The following STXBP6 variants were observed in gnomAD, a reference collection of about 807,000 sequenced individuals.
STXBP6 encodes the protein syntaxin-binding protein 6.
Under a neutral mutation model 26.9 loss-of-function variants are expected in STXBP6, and 21 were observed. That is an observed-to-expected ratio of 0.78 (90% CI 0.55 to 1.12). STXBP6 has a LOEUF of 1.12. Among genes scored for constraint, STXBP6 ranks in the 50% most tolerant of loss-of-function variants. The pLI is 0.00. For synonymous variants in STXBP6, 97 were observed against 92.6 expected, an observed-to-expected ratio of 1.05 and a Z score of -0.27; for missense variants, 232 against 257.9, an observed-to-expected ratio of 0.90 and a Z score of 0.69.
In STXBP6 at chr14:25,049,781, G is replaced by A. The variant is rs894945701; in HGVS notation, c.-33+97C>T. The A allele has an allele frequency of 3.0e-6, 3 of 985,590 alleles. No individual in the cohort carries two copies. Among genetic ancestry groups the A allele is most frequent in the Middle Eastern group, 5.2e-4 (1 of 1,918 alleles). 61.1% of individuals were successfully genotyped at this position (985,590 alleles called of 1,614,324 possible). A position where few individuals can be genotyped will look rare whatever the true frequency, so the allele number is the denominator to read the frequency against. ...GGCCTCACAGCCACCCGCCTCGGAC[G>A]GAGCGCCAGGCGCCCCAACAGCCGT... is the stretch of plus-strand genomic sequence containing the variant. On this transcript the variant is annotated intron_variant, in intron 1 of 5. Coordinates refer to ENST00000323944, the MANE Select transcript of STXBP6 (RefSeq NM_001394410.1). This position sits in a 1 kb window ranked among gnomAD's most constrained non-coding sequence, Gnocchi z 5.6.
At chr14:25,032,871 TGTAA>T (rs2075484422) in intron 1 of STXBP6, among the ~76,000 whole-genome samples, 1 of 152,186 alleles carries the variant, frequency 6.6e-6, no homozygotes, top group Non-Finnish European at 1.5e-5. Context: ...CAAAATAACT[TGTAA>T]GTGCTTCCTG....
chr14:24,927,820 G>A (rs550779034), intron 2 of STXBP6, among the ~76,000 whole-genome samples: 1 of 152,286 alleles, frequency 6.6e-6, no homozygotes, highest in South Asian at 2.1e-4. Flanking sequence ...AACCTTTAAA[G>A]TGAAAATTTC....
intron 4 of STXBP6, among the ~76,000 whole-genome samples, chr14:24,836,557 C>CCACT (rs1487290347): frequency 8.1e-5 from 11 of 136,446 alleles, no homozygotes; most frequent in Non-Finnish European, 1.5e-4. Context: ...TGACATCACA[C>CCACT]CACTGCACTC....
Position 24,940,686 on chromosome 14 carries a change from T to C in STXBP6, c.154+33979A>G, listed in dbSNP as rs2072770598. On this transcript the variant is annotated intron_variant, in intron 2 of 5. Coordinates refer to ENST00000323944, the MANE Select transcript of STXBP6 (RefSeq NM_001394410.1). ...GACTCCACGGCAACTTCCCCCACTC[T>C]ACTCTACCTCAGCCCAACCCTAAAT... Among the ~76,000 whole-genome samples the C allele has an allele frequency of 2.0e-5, 3 of 152,148 alleles. No homozygotes were observed. In the South Asian group the frequency reaches 6.2e-4, roughly 32 times the overall value.
At chr14:24,879,098 G>A (rs2070256386) in intron 2 of STXBP6, among the ~76,000 whole-genome samples, 1 of 151,916 alleles carries the variant, frequency 6.6e-6, no homozygotes, top group African/African-American at 2.4e-5. Flanking sequence ...TTTAAACTAC[G>A]AGCCATGTCA....
chr14:24,855,485 G>A (rs995147044), intron 4 of STXBP6, among the ~76,000 whole-genome samples: 15 of 152,116 alleles, frequency 9.9e-5, no homozygotes, highest in African/African-American at 2.9e-4. Flanking sequence ...GAATAAACAC[G>A]AGTTGCTTTT....
At chr14:25,011,852 G>A (rs1005244732) in intron 1 of STXBP6, among the ~76,000 whole-genome samples, 5 of 152,188 alleles carry the variant, frequency 3.3e-5, no homozygotes, top group Non-Finnish European at 7.3e-5. Flanking sequence ...AGCCATTAAC[G>A]AATTCCACAG....
chr14:24,855,202 T>G (rs1378850268), intron 4 of STXBP6, among the ~76,000 whole-genome samples: 1 of 152,066 alleles, frequency 6.6e-6, no homozygotes, highest in Non-Finnish European at 1.5e-5. Flanking sequence ...AACATCTGAT[T>G]AAGGCAAAGC....
chr14:24,985,278 T>A (rs2074302735), intron 1 of STXBP6, among the ~76,000 whole-genome samples: 1 of 152,182 alleles, frequency 6.6e-6, no homozygotes. Flanking sequence ...AAGGGGACAA[T>A]GCCTATGAAA....
chr14:25,016,981 G>A (rs530591536), intron 1 of STXBP6, among the ~76,000 whole-genome samples: 1 of 152,276 alleles, frequency 6.6e-6, no homozygotes, highest in South Asian at 2.1e-4. Flanking sequence ...AGTACATAGT[G>A]CGGAGTATGC....
At chr14:25,017,656 T>C (rs1044190309) in intron 1 of STXBP6, among the ~76,000 whole-genome samples, 1 of 152,248 alleles carries the variant, frequency 6.6e-6, no homozygotes, top group African/African-American at 2.4e-5. Flanking sequence ...TACATCTCAA[T>C]GACTTACTTG....
chr14:24,897,429 G>GAAA (rs71121805), intron 2 of STXBP6, among the ~76,000 whole-genome samples: 3 of 125,616 alleles, frequency 2.4e-5, no homozygotes, highest in African/African-American at 9.0e-5. Context: ...AAAAAAAAAG[G>GAAA]AAAAAAAAAA....
intron 1 of STXBP6, among the ~76,000 whole-genome samples, chr14:24,984,799 A>G (rs73595321): frequency 0.084 from 12,739 of 152,284 alleles, 1,766 homozygotes; most frequent in African/African-American, 0.29. Context: ...AGAGACTTTT[A>G]CAGATGAGGA....
chr14:24,895,221 G>A (rs2070943526), intron 2 of STXBP6, among the ~76,000 whole-genome samples: 1 of 152,128 alleles, frequency 6.6e-6, no homozygotes, highest in South Asian at 2.1e-4. Flanking sequence ...ACACAAAAGT[G>A]TCCAGATTTT....
At chr14:24,952,301 T>TA (rs1010524341) in intron 2 of STXBP6, among the ~76,000 whole-genome samples, 1,615 of 138,972 alleles carry the variant, frequency 0.012, 22 homozygotes, top group African/African-American at 0.033. Context: ...CTTTATCCCT[T>TA]AAAAAAAAAA....
intron 2 of STXBP6, among the ~76,000 whole-genome samples, chr14:24,895,760 T>C (rs745367233): frequency 5.3e-5 from 8 of 152,224 alleles, no homozygotes; most frequent in Non-Finnish European, 1.0e-4. Context: ...GCAGCTCACC[T>C]GGGCTGACAT....
At position 24,857,111 on chromosome 14, in the gene STXBP6, C is replaced by T. The variant is rs375106093; in HGVS notation, c.201G>A (p.Gln67=). 314 of 1,612,970 alleles carry T rather than the reference C, an allele frequency of 1.9e-4. No individual in the cohort carries two copies. Among genetic ancestry groups the T allele is most frequent in the Non-Finnish European group, 2.5e-4 (299 of 1,179,284 alleles). ...GAACAAATGATGTGGAGCCTTCAAA[C>T]TGTTTGACCTTTGTGATGGACGCCT... ...PTQASITKVK[Q]FEGSTSFVRR... The change falls in exon 3 of 6, where the codon CAG becomes CAA. Residue 67 remains glutamine (Q), a synonymous_variant. Transcript: ENST00000323944.
intron 1 of STXBP6, among the ~76,000 whole-genome samples, chr14:25,037,214 G>A (rs935631289): frequency 2.0e-5 from 3 of 152,174 alleles, no homozygotes; most frequent in Non-Finnish European, 4.4e-5. Context: ...TGTCTCCACA[G>A]AGCCCCATTT....
chr14:24,979,401 C>G (rs960599061), intron 1 of STXBP6, among the ~76,000 whole-genome samples: 2 of 152,168 alleles, frequency 1.3e-5, no homozygotes, highest in African/African-American at 4.8e-5. Context: ...AGTTAAGAAC[C>G]AAGATGATGT....
Sources: gnomAD v4.1 joint callset for allele counts (sites outside exome capture counted in the v4.1 genomes callset) on GRCh38, gnomAD v4.1.1 for gene constraint, Gnocchi (gnomAD v3.1) non-coding constraint, MANE v1.5 for transcripts, NCBI Gene and HGNC (gene_info 2026-07-23, HGNC 2026-07-21) for gene names.